The following ROBO2 variants were observed in gnomAD, a reference collection of about 807,000 sequenced individuals.
ROBO2 encodes the protein roundabout guidance receptor 2.
Under a neutral mutation model 160.8 loss-of-function variants are expected in ROBO2, and 53 were observed. The ratio of observed to expected loss-of-function variants is 0.33; its 90% CI spans 0.26 to 0.41. The LOEUF (loss-of-function observed/expected upper bound fraction) is 0.41. Ranked by LOEUF, ROBO2 falls within the 10% of genes least tolerant of loss-of-function variation. The pLI, the probability that ROBO2 is intolerant of heterozygous loss-of-function variation, is 1.00. For synonymous variants in ROBO2, 664 were observed against 611.7 expected (o/e 1.09, Z -1.26); for missense variants, 1,577 against 1,722.4 (o/e 0.92, Z 1.49).
chr3:76,883,735 T>C (rs2073599559), intron 2 of ROBO2, among the ~76,000 whole-genome samples: 1 of 152,230 alleles, frequency 6.6e-6, no homozygotes, highest in South Asian at 2.1e-4. Context: ...GCATAGCTAC[T>C]GTCAATGCAA....
rs138807625 is a variant in ROBO2, at chr3:77,564,703, A to G, written c.1683-251A>G. 4.2e-3 allele frequency: 2,386 copies of G among 568,950 alleles called. 8 individuals carry two copies. Among genetic ancestry groups the G allele is most frequent in the Non-Finnish European group, 5.0e-3 (1,563 of 314,468 alleles). 35.2% of individuals were successfully genotyped at this position (568,950 alleles called of 1,614,324 possible). On this transcript the variant is annotated intron_variant, in intron 11 of 25. Coordinates refer to ENST00000461745, the Ensembl canonical transcript of ROBO2. ...TTTAGTGGGCTGCTGTGCATTAGCA[A>G]AGGGCTGTCACATCTCCTGGGCTGA... is the stretch of plus-strand genomic sequence containing the variant.
chr3:77,106,894 T>C (rs189596660), intron 2 of ROBO2, among the ~76,000 whole-genome samples: 1 of 152,304 alleles, frequency 6.6e-6, no homozygotes, highest in Admixed American at 6.5e-5. Flanking sequence ...GAGCCCCAGG[T>C]TGGGTTGTTT....
intron 2 of ROBO2, among the ~76,000 whole-genome samples, chr3:76,778,749 A>T (rs2062439547): frequency 6.6e-6 from 1 of 151,086 alleles, no homozygotes; most frequent in Admixed American, 6.6e-5. Context: ...AATTCAATAA[A>T]TAGCACAAGT....
At chr3:76,744,954 T>A (rs889222848) in intron 2 of ROBO2, among the ~76,000 whole-genome samples, 1 of 152,168 alleles carries the variant, frequency 6.6e-6, no homozygotes, top group African/African-American at 2.4e-5. Context: ...GTATACTTAC[T>A]TTTAGCTTTT....
chr3:77,000,025 C>T (rs1016892192), intron 2 of ROBO2, among the ~76,000 whole-genome samples: 5 of 152,132 alleles, frequency 3.3e-5, no homozygotes, highest in Admixed American at 6.6e-5. Context: ...TTGCTCCCAA[C>T]ATTTCCAGAG....
chr3:77,276,366 C>T (rs1271442108), intron 2 of ROBO2, among the ~76,000 whole-genome samples: 1 of 152,120 alleles, frequency 6.6e-6, no homozygotes, highest in African/African-American at 2.4e-5. Context: ...ATAAACTGTA[C>T]ATCTGTTTAT....
intron 2 of ROBO2, among the ~76,000 whole-genome samples, chr3:76,795,098 T>C (rs190221512): frequency 6.6e-6 from 1 of 152,094 alleles, no homozygotes; most frequent in South Asian, 2.1e-4. Flanking sequence ...TCTAAAAATG[T>C]TAATATATTA....
At chr3:77,042,488 T>C (rs1000708080) in intron 1 of ROBO2, among the ~76,000 whole-genome samples, 1 of 152,220 alleles carries the variant, frequency 6.6e-6, no homozygotes, top group Non-Finnish European at 1.5e-5. Context: ...GGTTTTTTTA[T>C]ATAAGCGTTT....
chr3:77,141,180 A>C (rs1236488680), intron 2 of ROBO2, among the ~76,000 whole-genome samples: 1 of 152,214 alleles, frequency 6.6e-6, no homozygotes, highest in African/African-American at 2.4e-5. Context: ...TGAGAATTAA[A>C]GTCTGCATAG....
chr3:77,311,821 T>C (rs1157267303), intron 2 of ROBO2, among the ~76,000 whole-genome samples: 2 of 152,184 alleles, frequency 1.3e-5, no homozygotes, highest in African/African-American at 4.8e-5. Context: ...GCGCAGTGGG[T>C]CACGCCTGTA....
chr3:77,549,955 C>G (rs1227179844), intron 7 of ROBO2, among the ~76,000 whole-genome samples: 1 of 151,572 alleles, frequency 6.6e-6, no homozygotes, highest in Non-Finnish European at 1.5e-5. Flanking sequence ...ATTTATAATC[C>G]AACTTGGAAA....
At chr3:76,241,039 AAC>A (rs1189024077) in intron 2 of ROBO2, among the ~76,000 whole-genome samples, 28 of 152,320 alleles carry the variant, frequency 1.8e-4, no homozygotes, top group African/African-American at 6.7e-4. Context: ...TCCTCATCCA[AAC>A]AGTTTTGGTT....
intron 2 of ROBO2, among the ~76,000 whole-genome samples, chr3:76,712,918 A>T (rs1222988596): frequency 6.6e-6 from 1 of 152,168 alleles, no homozygotes; most frequent in Non-Finnish European, 1.5e-5. Context: ...ATAAATGATC[A>T]TTGGATTCTT....
chr3:76,064,337 C>G (rs151048954), intron 2 of ROBO2, among the ~76,000 whole-genome samples: 1 of 152,246 alleles, frequency 6.6e-6, no homozygotes, highest in East Asian at 1.9e-4. Context: ...AAGTATTTTG[C>G]TGAGGAAGCT....
intron 2 of ROBO2, among the ~76,000 whole-genome samples, chr3:77,261,824 G>A (rs573215843): frequency 6.8e-6 from 1 of 147,418 alleles, no homozygotes; most frequent in South Asian, 2.1e-4. Flanking sequence ...CTGGAGTTCA[G>A]TGGCATAATC....
chr3:76,428,936 A>C (rs1263243772), intron 2 of ROBO2, among the ~76,000 whole-genome samples: 1 of 152,162 alleles, frequency 6.6e-6, no homozygotes. Context: ...GCCCTACAGT[A>C]GCGTCTCTAG....
At chr3:76,516,274 T>G (rs1051172100) in intron 2 of ROBO2, among the ~76,000 whole-genome samples, 4 of 152,086 alleles carry the variant, frequency 2.6e-5, no homozygotes, top group Non-Finnish European at 5.9e-5. Flanking sequence ...GACCCTAAAT[T>G]GTTCTTTTCT....
chr3:76,207,195 G>A (rs903210681), intron 2 of ROBO2, among the ~76,000 whole-genome samples: 1 of 152,098 alleles, frequency 6.6e-6, no homozygotes, highest in African/African-American at 2.4e-5. Flanking sequence ...TCAAGTCTAT[G>A]CAGAAAATAT....
chr3:77,064,278 A>G (rs1171671257), intron 1 of ROBO2, among the ~76,000 whole-genome samples: 1 of 152,156 alleles, frequency 6.6e-6, no homozygotes, highest in Non-Finnish European at 1.5e-5. Context: ...CAAGCAAAGG[A>G]AAAAATGAGT....
Sources: allele counts gnomAD v4.1 joint callset (sites outside exome capture counted in the v4.1 genomes callset), GRCh38; gene constraint gnomAD v4.1.1; transcripts MANE v1.5; gene names NCBI Gene and HGNC (gene_info 2026-07-23, HGNC 2026-07-21).